The following OXR1 variants were observed in gnomAD, a reference collection of about 807,000 sequenced individuals.
OXR1 encodes oxidation resistance protein 1.
Under a neutral mutation model 104.6 loss-of-function variants are expected in OXR1, and 41 were observed. That is an observed-to-expected ratio of 0.39 (90% CI 0.31 to 0.51). The LOEUF is 0.51. OXR1 is among the 20% of genes least tolerant of loss of function. The pLI, the probability that OXR1 is intolerant of heterozygous loss-of-function variation, is 0.77. For missense variants in OXR1, 955 were observed against 1,031.9 expected, an observed-to-expected ratio of 0.93 and a Z score of 1.02; for synonymous variants, 348 against 348.4, an observed-to-expected ratio of 1.00 and a Z score of 0.01.
intron 3 of OXR1, among the ~76,000 whole-genome samples, chr8:106,548,339 T>C (rs899810876): frequency 1.3e-5 from 2 of 152,138 alleles, no homozygotes; most frequent in African/African-American, 4.8e-5. Flanking sequence ...GGTCCAGTGC[T>C]CCTCCCAACA....
intron 3 of OXR1, among the ~76,000 whole-genome samples, chr8:106,642,294 T>A (rs1823719554): frequency 6.6e-6 from 1 of 152,184 alleles, no homozygotes; most frequent in South Asian, 2.1e-4. Context: ...TCATAGTGTA[T>A]TTTTGACAGT....
At chr8:106,705,428 G>A (rs1197345199) in intron 8 of OXR1, among the ~76,000 whole-genome samples, 5 of 152,046 alleles carry the variant, frequency 3.3e-5, no homozygotes, top group African/African-American at 2.4e-5. Context: ...ACTGAAAAGC[G>A]GAACAAGACA....
intron 1 of OXR1, among the ~76,000 whole-genome samples, chr8:106,312,127 A>G (rs1352911504): frequency 2.6e-5 from 4 of 151,938 alleles, no homozygotes; most frequent in African/African-American, 9.7e-5. Flanking sequence ...ATTTTATATG[A>G]TTTCAGTGAA....
intron 11 of OXR1, among the ~76,000 whole-genome samples, chr8:106,716,630 C>CAA (rs760744812): frequency 7.0e-5 from 5 of 71,476 alleles, no homozygotes; most frequent in South Asian, 5.9e-4. Flanking sequence ...GACTCCGTCT[C>CAA]AAAAAAAAAA....
intron 1 of OXR1, among the ~76,000 whole-genome samples, chr8:106,298,077 A>G (rs536154606): frequency 1.4e-4 from 22 of 152,308 alleles, no homozygotes; most frequent in African/African-American, 4.6e-4. Context: ...TATAATAAGT[A>G]TGATTTGTTT....
At chr8:106,364,668 A>AGAAAGT (rs1816391662) in intron 2 of OXR1, among the ~76,000 whole-genome samples, 1 of 152,178 alleles carries the variant, frequency 6.6e-6, no homozygotes, top group African/African-American at 2.4e-5. Flanking sequence ...TTAGAAATGC[A>AGAAAGT]GAAAGTTTTC....
intron 14 of OXR1, 27 bp from the exon 15 acceptor site, chr8:106,742,195 C>G (rs763888064): frequency 2.4e-6 from 3 of 1,239,884 alleles, no homozygotes; most frequent in Non-Finnish European, 3.6e-6. Flanking sequence ...TTAGTCGTGT[C>G]ATTGAATATG....
chr8:106,737,604 C>A lies in OXR1; in HGVS notation c.2037+4C>A. On this transcript the variant is annotated splice_donor_region_variant and intron_variant, in intron 12 of 16. Coordinates refer to ENST00000517566, the MANE Select transcript of OXR1 (RefSeq NM_001198533.2). Reference sequence around the variant, plus strand: ...CACACTCTGCAGACGCCTCCAGGTGCCCCCTTCAGTAGTTTAAACCCCTCC... The same window carrying A: ...CACACTCTGCAGACGCCTCCAGGTGACCCCTTCAGTAGTTTAAACCCCTCC... 1 of 1,356,740 alleles carries A rather than the reference C, an allele frequency of 7.4e-7. No homozygotes were observed. Among genetic ancestry groups the A allele is most frequent in the Non-Finnish European group, 9.7e-7 (1 of 1,032,754 alleles). 84.0% of individuals were successfully genotyped at this position (1,356,740 alleles called of 1,614,324 possible). A position where few individuals can be genotyped will look rare whatever the true frequency, so the allele number is the denominator to read the frequency against.
At chr8:106,469,402 T>C (rs1234922541) in intron 2 of OXR1, among the ~76,000 whole-genome samples, 1 of 151,828 alleles carries the variant, frequency 6.6e-6, no homozygotes, top group East Asian at 1.9e-4. Flanking sequence ...TCTGATCCAA[T>C]TGGTCAGAAA....
chr8:106,737,471 T>TG, intron 11 of OXR1, 49 bp from the exon 12 acceptor site: 1 of 408,374 alleles, frequency 2.4e-6, no homozygotes, highest in Non-Finnish European at 4.2e-6. Flanking sequence ...TTTTTTGCTG[T>TG]TTTTCTCAAC....
intron 2 of OXR1, among the ~76,000 whole-genome samples, chr8:106,439,946 T>C (rs1038517994): frequency 2.6e-5 from 4 of 152,142 alleles, no homozygotes; most frequent in Non-Finnish European, 4.4e-5. Context: ...TTTAAATCAT[T>C]GACTAGATTC....
At chr8:106,431,767 A>G (rs764606394) in intron 2 of OXR1, among the ~76,000 whole-genome samples, 14 of 152,236 alleles carry the variant, frequency 9.2e-5, no homozygotes, top group Non-Finnish European at 2.1e-4. Context: ...CAGAGAAAAT[A>G]AAGCATAAAT....
At chr8:106,480,415 T>G (rs1346828793) in intron 2 of OXR1, among the ~76,000 whole-genome samples, 1 of 152,006 alleles carries the variant, frequency 6.6e-6, no homozygotes. Flanking sequence ...TATGGAAAAA[T>G]ATTAACTGCT....
chr8:106,297,870 C>T (rs1813064937), intron 1 of OXR1, among the ~76,000 whole-genome samples: 1 of 152,072 alleles, frequency 6.6e-6, no homozygotes, highest in African/African-American at 2.4e-5. Flanking sequence ...AGGAAATGAA[C>T]AAAAAGTGGT....
At chr8:106,691,714 A>G (rs978031760) in intron 6 of OXR1, among the ~76,000 whole-genome samples, 3 of 150,328 alleles carry the variant, frequency 2.0e-5, no homozygotes, top group African/African-American at 7.3e-5. Flanking sequence ...AGGAATCACA[A>G]AATTTGTTGA....
chr8:106,396,449 G>A (rs1414320935), intron 2 of OXR1, among the ~76,000 whole-genome samples: 3 of 151,710 alleles, frequency 2.0e-5, no homozygotes, highest in African/African-American at 7.3e-5. Context: ...GTCTAATTAT[G>A]AGAAAAAAAA....
At chr8:106,730,077 T>A (rs1432411426) in intron 11 of OXR1, among the ~76,000 whole-genome samples, 1 of 152,110 alleles carries the variant, frequency 6.6e-6, no homozygotes, top group Non-Finnish European at 1.5e-5. Flanking sequence ...TTAATTATAA[T>A]AGATTTCATT....
intron 3 of OXR1, among the ~76,000 whole-genome samples, chr8:106,622,441 T>A (rs2130851227): frequency 7.1e-6 from 1 of 141,368 alleles, no homozygotes; most frequent in Middle Eastern, 3.6e-3. Context: ...GGGCCCTAAC[T>A]GATCACCCCC....
chr8:106,350,966 T>G (rs902403753), intron 1 of OXR1, among the ~76,000 whole-genome samples: 11 of 152,232 alleles, frequency 7.2e-5, no homozygotes, highest in Admixed American at 7.2e-4. Context: ...TGACTTCTAC[T>G]CTAGAGTTTT....
Sources: allele counts gnomAD v4.1 joint callset (sites outside exome capture counted in the v4.1 genomes callset), GRCh38; gene constraint gnomAD v4.1.1; transcripts MANE v1.5; gene names NCBI Gene and HGNC (gene_info 2026-07-23, HGNC 2026-07-21).